The following HTRA3 variants were observed in gnomAD, a reference collection of about 807,000 sequenced individuals.
HTRA3 encodes serine protease HTRA3.
In HTRA3, 41 loss-of-function variants were observed where a neutral mutation model predicts 43.2. That is an observed-to-expected ratio of 0.95 (90% CI 0.74 to 1.23). The LOEUF is 1.23. Among genes scored for constraint, HTRA3 ranks in the 50% most tolerant of loss-of-function variants. The pLI is 0.00. For missense variants in HTRA3, 628 were observed against 647.1 expected, an observed-to-expected ratio of 0.97 and a Z score of 0.32; for synonymous variants, 295 against 287.9, an observed-to-expected ratio of 1.02 and a Z score of -0.25.
At position 8,295,381 on chromosome 4, in the gene HTRA3, C is replaced by T. The variant is rs897538744; in HGVS notation, c.1051+1180C>T. Among the ~76,000 whole-genome samples, 6 of 151,748 alleles carry T rather than the reference C, an allele frequency of 4.0e-5. No individual in the cohort carries two copies. The highest frequency in any genetic ancestry group is 7.4e-5 in the Non-Finnish European group (5 of 67,928). On this transcript the variant is annotated intron_variant, in intron 6 of 8. Coordinates refer to ENST00000307358, the MANE Select transcript of HTRA3 (RefSeq NM_053044.5). The surrounding 1 kb of genome is among the most constrained non-coding windows in gnomAD (Gnocchi z 6.9). ...TTCCTCACCCCATCAAAAAGGGATACCCAGCCCACCCTGCCCACTCCTAGA... is the reference window on the plus strand; with the variant it reads ...TTCCTCACCCCATCAAAAAGGGATATCCAGCCCACCCTGCCCACTCCTAGA...
At chr4:8,276,169 C>T (rs1712516513) in intron 1 of HTRA3, among the ~76,000 whole-genome samples, 1 of 152,222 alleles carries the variant, frequency 6.6e-6, no homozygotes, top group Admixed American at 6.5e-5. Flanking sequence ...GGGCAGAGCA[C>T]CAGGACTGGG....
At position 8,296,086 on chromosome 4, in the gene HTRA3, G is replaced by A; in HGVS notation, c.1051+1885G>A. ...TTGAATTATCCCATTCTCCATGGGT[G>A]CCTTTGACTTTGGCCTCCTTACTGG... On this transcript the variant is annotated intron_variant, in intron 6 of 8. Coordinates refer to ENST00000307358, the MANE Select transcript of HTRA3 (RefSeq NM_053044.5). This position sits in a 1 kb window ranked among gnomAD's most constrained non-coding sequence, Gnocchi z 5.3. 1.9e-6 allele frequency: 2 copies of A among 1,040,724 alleles called. No homozygotes were observed. The highest frequency in any genetic ancestry group is 2.3e-6 in the Non-Finnish European group (2 of 866,548). 64.5% of individuals were successfully genotyped at this position (1,040,724 alleles called of 1,614,324 possible).
In HTRA3 at chr4:8,295,685, CT is replaced by C; in HGVS notation, c.1051+1485del. On this transcript the variant is annotated intron_variant, in intron 6 of 8. Transcript: ENST00000307358. This position sits in a 1 kb window ranked among gnomAD's most constrained non-coding sequence, Gnocchi z 6.9. Reference sequence around the variant, plus strand: ...TCACACTTCCACATTGCTTTGCTGTCTCCTCCCAGCCCCCTCACTGGCAGTT... The same window carrying C: ...TCACACTTCCACATTGCTTTGCTGTCCCTCCCAGCCCCCTCACTGGCAGTT... 1 of 1,420,526 alleles carries C rather than the reference CT, an allele frequency of 7.0e-7. No individual in the cohort carries two copies. The highest frequency in any genetic ancestry group is 9.2e-7 in the Non-Finnish European group (1 of 1,085,050). 88.0% of individuals were successfully genotyped at this position (1,420,526 alleles called of 1,614,324 possible). A position where few individuals can be genotyped will look rare whatever the true frequency, so the allele number is the denominator to read the frequency against.
chr4:8,299,741 CTGTTAA>C (rs1283748795), intron 6 of HTRA3, among the ~76,000 whole-genome samples: 1 of 151,960 alleles, frequency 6.6e-6, no homozygotes, highest in African/African-American at 2.4e-5. Flanking sequence ...CCTTTCTAGT[CTGTTAA>C]TGTGGTAAAT....
At position 8,295,409 on chromosome 4, in the gene HTRA3, G is replaced by A. The variant is rs1395083405; in HGVS notation, c.1051+1208G>A. Among the ~76,000 whole-genome samples, 2 of 146,342 alleles carry A rather than the reference G, an allele frequency of 1.4e-5. No homozygotes were observed. Among genetic ancestry groups the A allele is most frequent in the African/African-American group, 5.0e-5 (2 of 40,350 alleles). The stretch of plus-strand genomic sequence containing the variant: ...AGCCCACCCTGCCCACTCCTAGATT[G>A]CCATGAGCACCCATCTGGGAGAGGC... On this transcript the variant is annotated intron_variant, in intron 6 of 8. Transcript: ENST00000307358. The surrounding 1 kb of genome is among the most constrained non-coding windows in gnomAD (Gnocchi z 6.9).
chr4:8,291,124 C>T (rs913040909), intron 3 of HTRA3, among the ~76,000 whole-genome samples: 73 of 152,340 alleles, frequency 4.8e-4, no homozygotes, highest in Non-Finnish European at 4.7e-4. Context: ...CATGCCTGCC[C>T]TGGGGGAACC....
Position 8,291,500 on chromosome 4 carries a change from A to G in HTRA3, c.839A>G (p.Glu280Gly). 1 of 1,612,608 alleles carries G rather than the reference A, an allele frequency of 6.2e-7. No homozygotes were observed. The highest frequency in any genetic ancestry group is 8.5e-7 in the Non-Finnish European group (1 of 1,179,712). ...GGCATCGTCAGCACTGCCCAGCGGG[A>G]GGGCAGGGAGCTGGGCCTCCGGGAC... ...TTGIVSTAQR[E>G]GRELGLRDSD... The change falls in exon 4 of 9, where the codon GAG (glutamate) becomes GGG (glycine). Residue 280 changes from glutamate (E) to glycine (G), a missense_variant. By Grantham distance (98) the Glu-to-Gly change is moderately conservative. Transcript: ENST00000307358.
intron 5 of HTRA3, among the ~76,000 whole-genome samples, chr4:8,293,167 C>T (rs1009792749): frequency 3.3e-5 from 5 of 152,196 alleles, no homozygotes; most frequent in African/African-American, 1.2e-4. Flanking sequence ...GCAGATGGGG[C>T]TTCACCCTAT....
intron 8 of HTRA3, among the ~76,000 whole-genome samples, chr4:8,305,685 G>T (rs1002689177): frequency 2.6e-5 from 4 of 152,162 alleles, no homozygotes; most frequent in Non-Finnish European, 1.5e-5. Context: ...GAAAACTGAG[G>T]CACAAGGGGA....
chr4:8,300,908 TC>T (rs1324812556), intron 6 of HTRA3, among the ~76,000 whole-genome samples: 3 of 150,128 alleles, frequency 2.0e-5, no homozygotes, highest in African/African-American at 7.6e-5. Flanking sequence ...TGATTCACAC[TC>T]TCAGCTTTAT....
At position 8,286,738 on chromosome 4, in the gene HTRA3, C is replaced by T. The variant is rs1712993970; in HGVS notation, c.663C>T (p.Asp221=). ...ACTCCTATGAGGCCACCATCAAAGA[C>T]ATCGACAAGAAGTCGGACATTGCCA... ...NGDSYEATIK[D]IDKKSDIATI... Residue 221 remains aspartate, a synonymous_variant, in exon 3 of 9, where the codon GAC becomes GAT. Coordinates refer to ENST00000307358, the MANE Select transcript of HTRA3 (RefSeq NM_053044.5). This position sits in a 1 kb window ranked among gnomAD's most constrained non-coding sequence, Gnocchi z 4.9. 1.2e-6 allele frequency: 2 copies of T among 1,614,034 alleles called. No individual in the cohort carries two copies. The highest frequency in any genetic ancestry group is 1.7e-5 in the Admixed American group (1 of 60,002).
At chr4:8,304,442 T>C (rs1713763297) in intron 8 of HTRA3, among the ~76,000 whole-genome samples, 163 bp downstream of exon 8, 1 of 152,108 alleles carries the variant, frequency 6.6e-6, no homozygotes, top group East Asian at 1.9e-4. Flanking sequence ...GCTGGAGAGC[T>C]GAATGGTCCC....
intron 1 of HTRA3, 73 bp from the exon 2 acceptor site, chr4:8,282,364 A>G: frequency 1.7e-6 from 2 of 1,202,474 alleles, no homozygotes; most frequent in South Asian, 1.3e-5. Context: ...CCTTCTGCCC[A>G]CTGGGCATAG....
rs1221534459 is a variant in HTRA3 at position 8,305,895 on chromosome 4, C to A, written c.1197-76C>A. The A allele has an allele frequency of 7.2e-6, 11 of 1,535,468 alleles. No homozygotes were observed. In the Admixed American group the frequency reaches 1.5e-4, roughly 21 times the overall value. On this transcript the variant is annotated intron_variant, in intron 8 of 8. Coordinates refer to ENST00000307358, the MANE Select transcript of HTRA3 (RefSeq NM_053044.5). ...AATGTTGTCATTGACCCTGACTGTG[C>A]CTCGCTCTGGGCCGGGCCTGGGAAG...
chr4:8,297,906 C>T lies in HTRA3; in HGVS notation c.1051+3705C>T, dbSNP rs916599204. Among the ~76,000 whole-genome samples the T allele has an allele frequency of 2.0e-5, 3 of 152,208 alleles. No homozygotes were observed. The highest frequency in any genetic ancestry group is 4.4e-5 in the Non-Finnish European group (3 of 68,022). On this transcript the variant is annotated intron_variant, in intron 6 of 8. Transcript: ENST00000307358. The surrounding 1 kb of genome is among the most constrained non-coding windows in gnomAD (Gnocchi z 5.8). The stretch of plus-strand genomic sequence containing the variant: ...CAAGACCCCCCTGCTCCTGCAGCCC[C>T]ACCTGCCGTCCCCACTGAGTTATGT...
intron 3 of HTRA3, among the ~76,000 whole-genome samples, chr4:8,288,394 C>G (rs1713081053): frequency 1.3e-5 from 2 of 152,194 alleles, no homozygotes; most frequent in Non-Finnish European, 2.9e-5. Context: ...CTGCCTCAGC[C>G]CCCCGAGTAG....
At chr4:8,298,137 C>T (rs1375489166) in intron 6 of HTRA3, among the ~76,000 whole-genome samples, 1 of 152,234 alleles carries the variant, frequency 6.6e-6, no homozygotes, top group Admixed American at 6.5e-5. Flanking sequence ...CTGCCCCATC[C>T]TCCACAGACC....
chr4:8,270,971 G>C (rs1223588327), intron 1 of HTRA3, among the ~76,000 whole-genome samples: 1 of 152,208 alleles, frequency 6.6e-6, no homozygotes, highest in Non-Finnish European at 1.5e-5. Flanking sequence ...GAAAATGCTG[G>C]AAAACCTGCT....
rs767735773 is a variant in HTRA3, at chr4:8,270,157, C to T, written c.189C>T (p.Gly63=). ...VCAASEGEPC[G]GPLDSPCGES... Reference sequence around the variant, plus strand: ...CCGCCAGCGAGGGCGAGCCCTGTGGCGGCCCTCTGGACTCGCCTTGCGGCG... The same window carrying T: ...CCGCCAGCGAGGGCGAGCCCTGTGGTGGCCCTCTGGACTCGCCTTGCGGCG... The change falls in exon 1 of 9, where the codon GGC becomes GGT. Residue 63 remains glycine (G), a synonymous_variant. Coordinates refer to ENST00000307358, the MANE Select transcript of HTRA3 (RefSeq NM_053044.5). 8.4e-6 allele frequency: 13 copies of T among 1,541,676 alleles called. No individual in the cohort carries two copies. Among genetic ancestry groups the T allele is most frequent in the South Asian group, 4.7e-5 (4 of 84,734 alleles).
Sources: gnomAD v4.1 joint callset for allele counts (sites outside exome capture counted in the v4.1 genomes callset) on GRCh38, gnomAD v4.1.1 for gene constraint, Gnocchi (gnomAD v3.1) non-coding constraint, MANE v1.5 for transcripts, NCBI Gene and HGNC (gene_info 2026-07-23, HGNC 2026-07-21) for gene names.